PDXK: variants seen among roughly 807,000 people sequenced by gnomAD.
The protein encoded by PDXK is pyridoxal kinase, also known as epididymis secretory sperm binding protein Li 1a.
PDXK carries 15 observed loss-of-function variants against 43.2 expected under a neutral mutation model. The observed-to-expected ratio is 0.35, with a 90% CI of 0.23 to 0.53. PDXK has a LOEUF of 0.53. PDXK is among the 20% of genes least tolerant of loss of function. PDXK has a pLI of 0.92. For synonymous variants in PDXK, 172 were observed against 165.4 expected (o/e 1.04, Z -0.31); for missense variants, 343 against 417.0 (o/e 0.82, Z 1.54).
At chr21:43,743,210 C>A (rs1429772967) in intron 3 of PDXK, among the ~76,000 whole-genome samples, 3 of 98,546 alleles carry the variant, frequency 3.0e-5, no homozygotes, top group African/African-American at 7.6e-5. Context: ...CCACCTCCCT[C>A]CCCCCGCCCC....
In PDXK at chr21:43,760,915, G is replaced by A. The variant is rs1449663162; in HGVS notation, c.*4852G>A. On this transcript the variant is annotated 3_prime_UTR_variant, in exon 11 of 11. Coordinates refer to ENST00000291565, the MANE Select transcript of PDXK (RefSeq NM_003681.5). ...CAGAGCAGAATGTTTCCTGTTCTCA[G>A]TGCACAAAGACACTGGTTTTCAATC... The A allele has an allele frequency of 6.6e-6, 1 of 152,228 alleles. No homozygotes were observed. The highest frequency in any genetic ancestry group is 2.4e-5 in the African/African-American group (1 of 41,450). 9.4% of individuals were successfully genotyped at this position (152,228 alleles called of 1,614,324 possible).
In PDXK at chr21:43,756,094, G is replaced by A. The variant is rs377597960; in HGVS notation, c.*31G>A. 1.1e-4 allele frequency: 134 copies of A among 1,261,420 alleles called. No individual in the cohort carries two copies. Among genetic ancestry groups the A allele is most frequent in the South Asian group, 1.7e-4 (14 of 81,276 alleles). The allele number at this position is 1,261,420 out of a possible 1,614,324, so 78.1% of individuals were successfully genotyped here. ...CCGCCGCTTGCCCGTGACACGCAGC[G>A]CGTTGGTGTCTCCGTGTTTGTCCCT... On this transcript the variant is annotated 3_prime_UTR_variant, in exon 11 of 11. Transcript: ENST00000291565.
chr21:43,729,709 G>T (rs1051986964), intron 1 of PDXK, among the ~76,000 whole-genome samples: 2 of 152,220 alleles, frequency 1.3e-5, no homozygotes, highest in Non-Finnish European at 2.9e-5. Flanking sequence ...GGAGGCTGAG[G>T]TGGGAGGATC....
chr21:43,744,995 G>C (rs1261814088), intron 4 of PDXK, among the ~76,000 whole-genome samples: 1 of 152,210 alleles, frequency 6.6e-6, no homozygotes, highest in African/African-American at 2.4e-5. Context: ...CTTAGTGAAA[G>C]TAGCCAGACA....
At position 43,732,602 on chromosome 21, in the gene PDXK, T is replaced by C; in HGVS notation, c.88-1467T>C. ...GGAGCAGAATATTTTGGCAGGATTT[T>C]CAGGATTTGTGTCATCGTTGCTTAA... On this transcript the variant is annotated intron_variant, in intron 1 of 10. Transcript: ENST00000291565. This position sits in a 1 kb window ranked among gnomAD's most constrained non-coding sequence, Gnocchi z 4.1. 1.2e-6 allele frequency: 1 copy of C among 809,294 alleles called. No homozygotes were observed. Among genetic ancestry groups the C allele is most frequent in the South Asian group, 1.3e-5 (1 of 75,218 alleles). 50.1% of individuals were successfully genotyped at this position (809,294 alleles called of 1,614,324 possible).
In PDXK at chr21:43,739,759, A is replaced by G. The variant is rs142174783; in HGVS notation, c.143-1908A>G. Among the ~76,000 whole-genome samples the G allele has an allele frequency of 4.2e-3, 632 of 151,942 alleles. 4 individuals carry two copies. Among genetic ancestry groups the G allele is most frequent in the African/African-American group, 0.015 (623 of 41,514 alleles). The stretch of plus-strand genomic sequence containing the variant: ...CAAGATGAGATTTGGGTGGGGACAC[A>G]GCCAGGCCATGTCACCTCCCCAGGA... On this transcript the variant is annotated intron_variant, in intron 2 of 10. Coordinates refer to ENST00000291565, the MANE Select transcript of PDXK (RefSeq NM_003681.5).
chr21:43,742,656 C>G (rs956361131), intron 3 of PDXK, among the ~76,000 whole-genome samples: 1 of 152,106 alleles, frequency 6.6e-6, no homozygotes, highest in Non-Finnish European at 1.5e-5. Flanking sequence ...GAGGGAGGCT[C>G]GCTTGAGACC....
At chr21:43,750,042 G>C (rs2083707111) in intron 6 of PDXK, among the ~76,000 whole-genome samples, 1 of 152,200 alleles carries the variant, frequency 6.6e-6, no homozygotes, top group Admixed American at 6.5e-5. Context: ...ACGCAGGGGT[G>C]GGGGCGCCTG....
chr21:43,739,503 A>G (rs2083457836), intron 2 of PDXK, among the ~76,000 whole-genome samples: 1 of 152,096 alleles, frequency 6.6e-6, no homozygotes, highest in African/African-American at 2.4e-5. Context: ...GGGAGGCCTC[A>G]GGAAACTTAC....
intron 2 of PDXK, among the ~76,000 whole-genome samples, chr21:43,740,382 G>A (rs540003375): frequency 1.5e-4 from 23 of 152,246 alleles, no homozygotes; most frequent in African/African-American, 4.8e-4. Flanking sequence ...ACCCACAAGT[G>A]CGTGATACTT....
At chr21:43,725,300 G>T (rs973791151) in intron 1 of PDXK, among the ~76,000 whole-genome samples, 1 of 151,288 alleles carries the variant, frequency 6.6e-6, no homozygotes, top group African/African-American at 2.5e-5. Context: ...TCCAGCACGG[G>T]CGACAGAGCA....
rs138324230 is a variant in PDXK at position 43,738,717 on chromosome 21, C to G, written c.143-2950C>G. On this transcript the variant is annotated intron_variant, in intron 2 of 10. Coordinates refer to ENST00000291565, the MANE Select transcript of PDXK (RefSeq NM_003681.5). ...TCCTGTCCGATAAGTTAAAGATACG[C>G]TGTTTGAGCACAAAGGAGATTCATT... 4.5e-3 allele frequency: 683 copies of G among 152,640 alleles called. 9 individuals carry two copies. Among genetic ancestry groups the G allele is most frequent in the African/African-American group, 0.015 (631 of 41,578 alleles). The allele number at this position is 152,640 out of a possible 1,614,324, so 9.5% of individuals were successfully genotyped here.
At position 43,732,263 on chromosome 21, in the gene PDXK, T is replaced by C. The variant is rs972755583; in HGVS notation, c.88-1806T>C. On this transcript the variant is annotated intron_variant, in intron 1 of 10. Transcript: ENST00000291565. This position sits in a 1 kb window ranked among gnomAD's most constrained non-coding sequence, Gnocchi z 4.1. ...CTGGCTTCCAGCTGAAGGACATGTG[T>C]AACAGCAGGAGATACCTTTCTCTGG... 1.1e-5 allele frequency: 16 copies of C among 1,507,084 alleles called. 1 individual carries two copies. Among genetic ancestry groups the C allele is most frequent in the Non-Finnish European group, 1.4e-5 (16 of 1,131,946 alleles). The allele number at this position is 1,507,084 out of a possible 1,614,324, so 93.4% of individuals were successfully genotyped here.
At chr21:43,752,397 G>A (rs1291811886) in intron 7 of PDXK, 121 bp from the exon 8 acceptor site, 4 of 672,136 alleles carry the variant, frequency 6.0e-6, no homozygotes, top group South Asian at 5.2e-5. Context: ...GGAGTGGGGT[G>A]TGACCGGCCG....
At chr21:43,726,172 G>A (rs2083251075) in intron 1 of PDXK, among the ~76,000 whole-genome samples, 1 of 151,866 alleles carries the variant, frequency 6.6e-6, no homozygotes, top group Admixed American at 6.6e-5. Flanking sequence ...TTGCTTTTCT[G>A]ACTCCCTTAG....
intron 5 of PDXK, among the ~76,000 whole-genome samples, chr21:43,747,456 C>T (rs1337881028): frequency 1.3e-5 from 2 of 152,276 alleles, no homozygotes; most frequent in East Asian, 3.8e-4. Context: ...CTGTGCCCTC[C>T]CTGCCCCGCT....
rs574364831 is a variant in PDXK at position 43,735,547 on chromosome 21, G to A, written c.142+1424G>A. On this transcript the variant is annotated intron_variant, in intron 2 of 10. Coordinates refer to ENST00000291565, the MANE Select transcript of PDXK (RefSeq NM_003681.5). This position sits in a 1 kb window ranked among gnomAD's most constrained non-coding sequence, Gnocchi z 5.3. ...CTGGGATGAGGACAGGACCCCAGGC[G>A]CTTGGGAGCCTCCACAGTTGCAGAG... 2.6e-5 allele frequency among the ~76,000 whole-genome samples: 4 copies of A among 152,316 alleles called. No individual in the cohort carries two copies. Among genetic ancestry groups the A allele is most frequent in the South Asian group, 2.1e-4 (1 of 4,826 alleles).
In PDXK at chr21:43,722,731, T is replaced by C. The variant is rs145847000; in HGVS notation, c.87+3350T>C. On this transcript the variant is annotated intron_variant, in intron 1 of 10. Transcript: ENST00000291565. ...TCTCTGTCTCTGTCCTCACGTGGCC[T>C]CCGCCCAGTGTGCTCTCTTAAAAGT... 4.6e-5 allele frequency among the ~76,000 whole-genome samples: 7 copies of C among 152,250 alleles called. No homozygotes were observed. The East Asian group carries it at 7.7e-4, about 17-fold the overall frequency.
At chr21:43,730,803 A>G (rs1487956463) in intron 1 of PDXK, among the ~76,000 whole-genome samples, 1 of 152,014 alleles carries the variant, frequency 6.6e-6, no homozygotes, top group African/African-American at 2.4e-5. Flanking sequence ...AAAAATATAA[A>G]AATTAGCCAG....
Sources: allele counts gnomAD v4.1 joint callset (sites outside exome capture counted in the v4.1 genomes callset), GRCh38; gene constraint gnomAD v4.1.1; non-coding constraint Gnocchi (gnomAD v3.1); transcripts MANE v1.5; gene names NCBI Gene and HGNC (gene_info 2026-07-23, HGNC 2026-07-21).